Variants in PCDHGA8 observed in about 807,000 individuals in gnomAD.
PCDHGA8 encodes the protein protocadherin gamma subfamily A, 8.
Under a neutral mutation model 59.2 loss-of-function variants are expected in PCDHGA8, and 45 were observed. The observed-to-expected ratio is 0.76, with a 90% CI of 0.60 to 0.98. The LOEUF (loss-of-function observed/expected upper bound fraction) is 0.98. PCDHGA8 is among the 50% of genes least tolerant of loss of function. PCDHGA8 has a pLI of 0.00. For missense variants in PCDHGA8, 1,257 were observed against 1,196.2 expected (o/e 1.05, Z -0.75); for synonymous variants, 531 against 519.0 (o/e 1.02, Z -0.32).
chr5:141,427,355 C>A (rs765449381), intron 1 of PCDHGA8: 9 of 457,430 alleles, frequency 2.0e-5, no homozygotes, highest in Non-Finnish European at 3.5e-5. Context: ...TAACTGAGGA[C>A]GCAGAACCCT....
chr5:141,507,851 C>T (rs570052933), intron 3 of PCDHGA8, among the ~76,000 whole-genome samples: 48 of 152,322 alleles, frequency 3.2e-4, no homozygotes, highest in African/African-American at 1.1e-3. Context: ...CCTGCTCTCA[C>T]TTTCACACCC....
chr5:141,465,759 A>G (rs2099108647), intron 1 of PCDHGA8, among the ~76,000 whole-genome samples: 2 of 151,280 alleles, frequency 1.3e-5, no homozygotes, highest in South Asian at 4.2e-4. Context: ...TGGTAAAGTC[A>G]TGTTTCATCT....
chr5:141,409,629 C>T (rs1379627250), intron 1 of PCDHGA8: 3 of 1,613,860 alleles, frequency 1.9e-6, no homozygotes, highest in East Asian at 4.5e-5. Flanking sequence ...CAAGTGAGCG[C>T]CTCTGACCCG....
Position 141,487,535 on chromosome 5 carries a change from G to A in PCDHGA8, c.2425-7272G>A. 6.2e-7 allele frequency: 1 copy of A among 1,614,154 alleles called. No individual in the cohort carries two copies. Among genetic ancestry groups the A allele is most frequent in the South Asian group, 1.1e-5 (1 of 91,084 alleles). ...CACTCGGAGTGATAGCTTCATGATG[G>A]TGAAGTCACCCAGTGCACCTATGGC... On this transcript the variant is annotated intron_variant, in intron 1 of 3. Transcript: ENST00000398604. This position sits in a 1 kb window ranked among gnomAD's most constrained non-coding sequence, Gnocchi z 5.0.
At chr5:141,440,696 A>G (rs2098194818) in intron 1 of PCDHGA8, 1 of 152,210 alleles carries the variant, frequency 6.6e-6, no homozygotes, top group Non-Finnish European at 1.5e-5. Flanking sequence ...AAAGTGACCA[A>G]CAGTGGAAAG....
rs11952292 is a variant in PCDHGA8 at position 141,491,682 on chromosome 5, G to T, written c.2425-3125G>T. The T allele has an allele frequency of 0.072, 115,891 of 1,613,112 alleles. 4,572 individuals carry two copies. The highest frequency in any genetic ancestry group is 0.11 in the South Asian group (9,996 of 91,042). ...ACGCCATCCGGTCCCGCTCTAATAC[G>T]CTGCGGGAGCGGAGCCAGGTGAGGG... On this transcript the variant is annotated intron_variant, in intron 1 of 3. Coordinates refer to ENST00000398604, the MANE Select transcript of PCDHGA8 (RefSeq NM_032088.2). The surrounding 1 kb of genome is among the most constrained non-coding windows in gnomAD (Gnocchi z 6.9).
At chr5:141,439,571 G>T (rs1010967112) in intron 1 of PCDHGA8, among the ~76,000 whole-genome samples, 4 of 152,154 alleles carry the variant, frequency 2.6e-5, no homozygotes, top group Non-Finnish European at 4.4e-5. Flanking sequence ...CTAGAGTAGG[G>T]ACTCAGAGTG....
In PCDHGA8 at chr5:141,393,300, G is replaced by T. The variant is rs1357517904; in HGVS notation, c.487G>T (p.Gly163Cys). Residue 163 changes from glycine (G) to cysteine (C), a missense_variant, in exon 1 of 4, where the codon GGC becomes TGC. Transcript: ENST00000398604. ...CCCAGAAGCTGTTGACCCGGATGTG[G>T]GCGTGAACTCCCTCCAGAGCTACCA... ...PLPEAVDPDV[G>C]VNSLQSYQLS... The T allele has an allele frequency of 1.2e-6, 2 of 1,613,882 alleles. No individual in the cohort carries two copies. The highest frequency in any genetic ancestry group is 1.7e-6 in the Non-Finnish European group (2 of 1,179,890).
intron 1 of PCDHGA8, chr5:141,404,234 G>A (rs2094500908): frequency 6.2e-7 from 1 of 1,613,770 alleles, no homozygotes; most frequent in African/African-American, 1.3e-5. Context: ...AACAGACAGA[G>A]GAACTCCGCC....
intron 2 of PCDHGA8, among the ~76,000 whole-genome samples, chr5:141,497,880 T>C (rs2099780200): frequency 6.6e-6 from 1 of 152,170 alleles, no homozygotes; most frequent in Non-Finnish European, 1.5e-5. Context: ...GAAATAAGCG[T>C]TAGGATCTAG....
Position 141,423,156 on chromosome 5 carries a change from CGTG to C in PCDHGA8, c.2424+27924_2424+27926del, listed in dbSNP as rs776903094. On this transcript the variant is annotated intron_variant, in intron 1 of 3. Coordinates refer to ENST00000398604, the MANE Select transcript of PCDHGA8 (RefSeq NM_032088.2). ...ACAGAGACGCGCTCAAGCAGAGCCT[CGTG>C]GTGGCCGTCCAGGACCACGGCCAGC... 8.2e-4 allele frequency: 1,328 copies of C among 1,613,396 alleles called. 15 individuals are homozygous for C. Among genetic ancestry groups the C allele is most frequent in the Admixed American group, 9.5e-4 (57 of 60,016 alleles).
chr5:141,430,855 C>T, intron 1 of PCDHGA8: 7 of 1,588,596 alleles, frequency 4.4e-6, no homozygotes, highest in Non-Finnish European at 6.0e-6. Context: ...CCCAGATACG[C>T]TATTCAGTTC....
In PCDHGA8 at chr5:141,394,640, C is replaced by T. The variant is rs1316258017; in HGVS notation, c.1827C>T (p.Leu609=). 1.2e-6 allele frequency: 2 copies of T among 1,613,310 alleles called. No individual in the cohort carries two copies. The highest frequency in any genetic ancestry group is 1.7e-6 in the Non-Finnish European group (2 of 1,179,950). ...GQNAWLSYRL[L]KASEPGLFSV... ...ACGCCTGGCTGTCCTACCGCCTGCT[C>T]AAGGCCAGCGAGCCGGGACTCTTCT... The change falls in exon 1 of 4, where the codon CTC becomes CTT. Residue 609 remains leucine (L), a synonymous_variant. Transcript: ENST00000398604.
Position 141,493,806 on chromosome 5 carries a change from T to C in PCDHGA8, c.2425-1001T>C, listed in dbSNP as rs1339302166. On this transcript the variant is annotated intron_variant, in intron 1 of 3. Coordinates refer to ENST00000398604, the MANE Select transcript of PCDHGA8 (RefSeq NM_032088.2). This position sits in a 1 kb window ranked among gnomAD's most constrained non-coding sequence, Gnocchi z 4.3. ...TCCTTCTCCCTGGAGTAATCTGAGA[T>C]ACTCACACTCTCTGCTTCTGGGAGC... is the stretch of plus-strand genomic sequence containing the variant. Among the ~76,000 whole-genome samples, 1 of 152,162 alleles carries C rather than the reference T, an allele frequency of 6.6e-6. No homozygotes were observed. The highest frequency in any genetic ancestry group is 1.5e-5 in the Non-Finnish European group (1 of 68,038).
At position 141,491,692 on chromosome 5, in the gene PCDHGA8, C is replaced by A. The variant is rs749349869; in HGVS notation, c.2425-3115C>A. The A allele has an allele frequency of 6.2e-7, 1 of 1,612,592 alleles. No homozygotes were observed. Among genetic ancestry groups the A allele is most frequent in the Non-Finnish European group, 8.5e-7 (1 of 1,179,338 alleles). On this transcript the variant is annotated intron_variant, in intron 1 of 3. Coordinates refer to ENST00000398604, the MANE Select transcript of PCDHGA8 (RefSeq NM_032088.2). This position sits in a 1 kb window ranked among gnomAD's most constrained non-coding sequence, Gnocchi z 6.9. ...GTCCCGCTCTAATACGCTGCGGGAG[C>A]GGAGCCAGGTGAGGGGCTCGGCGCC...
chr5:141,399,081 G>A (rs1336220348), intron 1 of PCDHGA8: 2 of 1,613,758 alleles, frequency 1.2e-6, no homozygotes, highest in African/African-American at 1.3e-5. Context: ...TAGAAGGGAG[G>A]GATGGTGGTG....
At chr5:141,465,337 G>GCC (rs2099101328) in intron 1 of PCDHGA8, among the ~76,000 whole-genome samples, 6 of 151,962 alleles carry the variant, frequency 3.9e-5, no homozygotes, top group Admixed American at 2.6e-4. Flanking sequence ...TTTTTATATT[G>GCC]GTTACTGAAG....
chr5:141,421,578 T>G, intron 1 of PCDHGA8: 1 of 1,613,886 alleles, frequency 6.2e-7, no homozygotes, highest in Non-Finnish European at 8.5e-7. Flanking sequence ...CCTTGAAGAT[T>G]TACGGAGTGG....
Position 141,404,690 on chromosome 5 carries a change from C to T in PCDHGA8, c.2424+9453C>T, listed in dbSNP as rs199517824. The T allele has an allele frequency of 1.9e-4, 304 of 1,613,808 alleles. 1 individual carries two copies. Among genetic ancestry groups the T allele is most frequent in the Non-Finnish European group, 2.1e-4 (250 of 1,179,844 alleles). On this transcript the variant is annotated intron_variant, in intron 1 of 3. Coordinates refer to ENST00000398604, the MANE Select transcript of PCDHGA8 (RefSeq NM_032088.2). ...TTCTACTGGTGTGGAGCTGGCACCC[C>T]GCTCTGCAGAGCCTGGCTACCTGGT...
Sources: allele counts gnomAD v4.1 joint callset (sites outside exome capture counted in the v4.1 genomes callset), GRCh38; gene constraint gnomAD v4.1.1; non-coding constraint Gnocchi (gnomAD v3.1); transcripts MANE v1.5; gene names NCBI Gene and HGNC (gene_info 2026-07-23, HGNC 2026-07-21).